PLPPR5: variants seen among roughly 807,000 people sequenced by gnomAD.
PLPPR5 encodes phospholipid phosphatase related 5, also known as phospholipid phosphatase-related protein type 5.
A neutral mutation model predicts 33.9 loss-of-function variants in PLPPR5; 16 were observed. The observed-to-expected ratio is 0.47, with a 90% CI of 0.32 to 0.72. The LOEUF (loss-of-function observed/expected upper bound fraction) is 0.72. Ranked by LOEUF, PLPPR5 falls within the 30% of genes least tolerant of loss-of-function variation. PLPPR5 has a pLI of 0.03. For missense variants in PLPPR5, 301 were observed against 406.7 expected, an observed-to-expected ratio of 0.74 and a Z score of 2.23; for synonymous variants, 163 against 150.3, an observed-to-expected ratio of 1.08 and a Z score of -0.62.
At chr1:98,913,610 T>G (rs1649234464) in intron 5 of PLPPR5, among the ~76,000 whole-genome samples, 2 of 152,228 alleles carry the variant, frequency 1.3e-5, no homozygotes, top group South Asian at 4.1e-4. Context: ...TAGTTAATTA[T>G]GAATTGTATC....
Position 98,893,087 on chromosome 1 carries a change from G to A in PLPPR5, c.951C>T (p.Phe317=), listed in dbSNP as rs780706570. The A allele has an allele frequency of 4.5e-5, 73 of 1,611,010 alleles. No homozygotes were observed. Among genetic ancestry groups the A allele is most frequent in the South Asian group, 1.2e-4 (11 of 90,854 alleles). Residue 317 remains phenylalanine, a synonymous_variant, in exon 6 of 6, where the codon TTC becomes TTT. Coordinates refer to ENST00000263177, the MANE Select transcript of PLPPR5 (RefSeq NM_001037317.2). ...TGCTTCGATATCATGTGACTTCTGCGAAGGCAGTGATGTGGTTCTGCAAAA... is the reference window on the plus strand; with the variant it reads ...TGCTTCGATATCATGTGACTTCTGCAAAGGCAGTGATGTGGTTCTGCAAAA... ...VTSVQNHITA[F]AEVT
chr1:98,901,847 C>T (rs184987124), intron 5 of PLPPR5, among the ~76,000 whole-genome samples: 5 of 151,972 alleles, frequency 3.3e-5, no homozygotes, highest in Admixed American at 2.6e-4. Context: ...CTTAGTATTA[C>T]TTATAATTGT....
intron 1 of PLPPR5, among the ~76,000 whole-genome samples, chr1:98,963,011 T>A (rs994292651): frequency 1.3e-5 from 2 of 152,174 alleles, no homozygotes; most frequent in Non-Finnish European, 2.9e-5. Flanking sequence ...TAAAATTTCA[T>A]AAGAGATCAT....
intron 1 of PLPPR5, among the ~76,000 whole-genome samples, chr1:98,975,030 C>T (rs1255568769): frequency 1.3e-5 from 2 of 151,968 alleles, no homozygotes; most frequent in African/African-American, 2.4e-5. Flanking sequence ...TATGTTCTAC[C>T]CACCTACGAG....
At chr1:98,915,005 C>T (rs1475555099) in intron 4 of PLPPR5, 85 bp from the exon 5 acceptor site, 1 of 1,263,696 alleles carries the variant, frequency 7.9e-7, no homozygotes, top group Non-Finnish European at 1.1e-6. Context: ...TAAAGCTAAG[C>T]ATGTAAGAAA....
chr1:98,983,237 C>A, intron 1 of PLPPR5, among the ~76,000 whole-genome samples: 1 of 116,608 alleles, frequency 8.6e-6, no homozygotes, highest in African/African-American at 3.3e-5. Context: ...TCCCTCCCCC[C>A]TCCCCCCACC....
At chr1:98,912,494 G>C (rs1649190435) in intron 5 of PLPPR5, among the ~76,000 whole-genome samples, 1 of 152,050 alleles carries the variant, frequency 6.6e-6, no homozygotes, top group South Asian at 2.1e-4. Context: ...TTTTTCATTT[G>C]GTGAGAAGGG....
rs1280953462 is a variant in PLPPR5, at chr1:98,953,271, T to C, written c.420A>G (p.Gly140=). Residue 140 remains glycine (G), a synonymous_variant, in exon 3 of 6, where the codon GGA becomes GGG. Coordinates refer to ENST00000263177, the MANE Select transcript of PLPPR5 (RefSeq NM_001037317.2). ...GGGCCAGATTTCCTGTGACTACTTG[T>C]CCAGCATTTACAAAGATATCTGTAG... ...LFATDIFVNA[G]QVVTGNLAPH... The C allele has an allele frequency of 1.9e-6, 3 of 1,613,904 alleles. No homozygotes were observed. The Admixed American group carries it at 5.0e-5, about 27-fold the overall frequency.
At chr1:98,923,448 CA>C (rs1649643271) in intron 3 of PLPPR5, among the ~76,000 whole-genome samples, 1 of 151,958 alleles carries the variant, frequency 6.6e-6, no homozygotes, top group Admixed American at 6.6e-5. Flanking sequence ...GAGAGTAAAC[CA>C]AAATGAAAAT....
chr1:98,958,257 G>C lies in PLPPR5; in HGVS notation c.238-1516C>G, dbSNP rs758901210. Among the ~76,000 whole-genome samples, 37 of 152,184 alleles carry C rather than the reference G, an allele frequency of 2.4e-4. 1 individual carries two copies. Among genetic ancestry groups the C allele is most frequent in the Non-Finnish European group, 4.6e-4 (31 of 68,030 alleles). On this transcript the variant is annotated intron_variant, in intron 1 of 5. Coordinates refer to ENST00000263177, the MANE Select transcript of PLPPR5 (RefSeq NM_001037317.2). ...TGAAAAGTAGTATCTATGATTACAA[G>C]ATATTCAAAATAGAAAGTGTGAGGT...
At chr1:98,938,741 G>A (rs1570715159) in intron 3 of PLPPR5, among the ~76,000 whole-genome samples, 1 of 151,956 alleles carries the variant, frequency 6.6e-6, no homozygotes, top group Admixed American at 6.6e-5. Flanking sequence ...CCCATCAATG[G>A]TAGACTGGAT....
intron 1 of PLPPR5, among the ~76,000 whole-genome samples, chr1:99,001,671 G>GATAGATAGATAGATAGATATAT (rs1247519605): frequency 2.0e-5 from 2 of 102,196 alleles, no homozygotes; most frequent in East Asian, 7.4e-4. Flanking sequence ...GAAAGTTAAA[G>GATAGATAGATAGATAGATATAT]ATATATATAT....
At chr1:98,937,162 G>C (rs1364489766) in intron 3 of PLPPR5, among the ~76,000 whole-genome samples, 6 of 151,980 alleles carry the variant, frequency 3.9e-5, no homozygotes. Flanking sequence ...TGCAGGCAGT[G>C]AGGGGATGCA....
intron 1 of PLPPR5, among the ~76,000 whole-genome samples, chr1:98,977,721 A>G (rs543407469): frequency 6.6e-6 from 1 of 151,602 alleles, no homozygotes; most frequent in South Asian, 2.1e-4. Flanking sequence ...TTCTCTATAC[A>G]TGGTGAACCT....
chr1:98,918,715 T>A (rs954905789), intron 4 of PLPPR5, among the ~76,000 whole-genome samples: 1 of 152,108 alleles, frequency 6.6e-6, no homozygotes, highest in Non-Finnish European at 1.5e-5. Context: ...GTGTAAAGGG[T>A]TTGAATATAG....
chr1:98,986,421 A>T (rs1652266779), intron 1 of PLPPR5, among the ~76,000 whole-genome samples: 1 of 151,906 alleles, frequency 6.6e-6, no homozygotes, highest in Admixed American at 6.6e-5. Flanking sequence ...GGTTACTAGG[A>T]ATTTAAAATT....
intron 5 of PLPPR5, among the ~76,000 whole-genome samples, chr1:98,898,583 G>A (rs774494182): frequency 3.9e-5 from 6 of 152,112 alleles, no homozygotes; most frequent in Non-Finnish European, 8.8e-5. Context: ...TTAGTAAAGA[G>A]AAACAATGTT....
chr1:98,907,948 G>C (rs1648969102), intron 5 of PLPPR5, among the ~76,000 whole-genome samples: 1 of 152,118 alleles, frequency 6.6e-6, no homozygotes, highest in Non-Finnish European at 1.5e-5. Context: ...CCAGGTGTGG[G>C]GTACCTATCC....
chr1:98,977,055 T>C (rs910294730), intron 1 of PLPPR5, among the ~76,000 whole-genome samples: 2 of 152,024 alleles, frequency 1.3e-5, no homozygotes, highest in African/African-American at 2.4e-5. Context: ...GCACATCTGA[T>C]TGATATTCTA....
Sources: allele counts gnomAD v4.1 joint callset (sites outside exome capture counted in the v4.1 genomes callset), GRCh38; gene constraint gnomAD v4.1.1; transcripts MANE v1.5; gene names NCBI Gene and HGNC (gene_info 2026-07-23, HGNC 2026-07-21).